SLF2: variants seen among roughly 807,000 people sequenced by gnomAD.
SLF2 encodes SMC5/6 complex localization factor 2, also known as SMC5-SMC6 complex localization factor protein 2.
SLF2 carries 68 observed loss-of-function variants against 124.3 expected under a neutral mutation model. The observed-to-expected ratio is 0.55, with a 90% CI of 0.45 to 0.67. SLF2 has a LOEUF of 0.67. Ranked by LOEUF, SLF2 falls within the 30% of genes least tolerant of loss-of-function variation. The pLI is 0.00. For synonymous variants in SLF2, 480 were observed against 478.8 expected (o/e 1.00, Z -0.03); for missense variants, 1,246 against 1,373.7 (o/e 0.91, Z 1.47).
rs777303575 is a variant in SLF2, at chr10:100,963,760, TGGG to T, written c.*1853_*1855del. On this transcript the variant is annotated 3_prime_UTR_variant, in exon 20 of 20. Transcript: ENST00000238961. ...AATATTTTCTAATTGTGTACATTGA[TGGG>T]GGGGACAAGTGGGTTATTCAGGTTT... 6 of 152,608 alleles carry T rather than the reference TGGG, an allele frequency of 3.9e-5. No individual in the cohort carries two copies. The highest frequency in any genetic ancestry group is 1.9e-4 in the East Asian group (1 of 5,182). 9.5% of individuals were successfully genotyped at this position (152,608 alleles called of 1,614,324 possible).
intron 8 of SLF2, among the ~76,000 whole-genome samples, chr10:100,930,756 A>G (rs938846739): frequency 1.3e-5 from 2 of 152,238 alleles, no homozygotes; most frequent in African/African-American, 4.8e-5. Context: ...TTTGTCTGCC[A>G]GTTAAATGTG....
chr10:100,917,249 A>G lies in SLF2; in HGVS notation c.864A>G (p.Glu288=). 1.2e-6 allele frequency: 2 copies of G among 1,613,886 alleles called. No homozygotes were observed. The highest frequency in any genetic ancestry group is 1.7e-6 in the Non-Finnish European group (2 of 1,179,958). The part of the protein sequence containing the change: ...SIERKYKPRQ[E]QRKQNDIIPG... Reference sequence around the variant, plus strand: ...AAAGAAAATATAAACCAAGGCAGGAACAAAGGAAACAGAATGACATCATAC... The same window carrying G: ...AAAGAAAATATAAACCAAGGCAGGAGCAAAGGAAACAGAATGACATCATAC... Residue 288 remains glutamate (E), a synonymous_variant, in exon 3 of 20, where the codon GAA becomes GAG. Coordinates refer to ENST00000238961, the MANE Select transcript of SLF2 (RefSeq NM_018121.4).
intron 1 of SLF2, among the ~76,000 whole-genome samples, chr10:100,914,891 C>G (rs2133745149): frequency 6.6e-6 from 1 of 152,258 alleles, no homozygotes; most frequent in East Asian, 1.9e-4. Context: ...ACTGAGCATT[C>G]CAACCTCATA....
chr10:100,948,878 T>A (rs571011998), intron 15 of SLF2, among the ~76,000 whole-genome samples: 20 of 152,254 alleles, frequency 1.3e-4, no homozygotes, highest in Non-Finnish European at 2.5e-4. Context: ...AGAGCGAGAC[T>A]CTGTCTCAAA....
intron 17 of SLF2, among the ~76,000 whole-genome samples, chr10:100,954,887 A>G (rs181665924): frequency 3.3e-5 from 5 of 152,014 alleles, no homozygotes; most frequent in Admixed American, 6.5e-5. Context: ...TCAAAGGTGC[A>G]GTGAGCTATG....
At position 100,962,650 on chromosome 10, in the gene SLF2, AT is replaced by A. The variant is rs778750677; in HGVS notation, c.*739del. On this transcript the variant is annotated 3_prime_UTR_variant, in exon 20 of 20. Transcript: ENST00000238961. ...GCTGTTTGTTCTGGATTTCTTTTAA[AT>A]GCATGTATTTTAAATACTGGTTAAA... 1.3e-5 allele frequency: 2 copies of A among 152,630 alleles called. No individual in the cohort carries two copies. Among genetic ancestry groups the A allele is most frequent in the Admixed American group, 6.5e-5 (1 of 15,286 alleles). The allele number at this position is 152,630 out of a possible 1,614,324, so 9.5% of individuals were successfully genotyped here.
chr10:100,924,638 G>C lies in SLF2; in HGVS notation c.1637G>C (p.Arg546Pro), dbSNP rs771148586. The C allele has an allele frequency of 2.5e-6, 4 of 1,614,004 alleles. No homozygotes were observed. In the South Asian group the frequency reaches 4.4e-5, roughly 18 times the overall value. Residue 546 changes from arginine (R) to proline (P), a missense_variant, in exon 5 of 20, where the codon CGC becomes CCC. Arg to Pro is a moderately radical substitution (Grantham distance 103). Transcript: ENST00000238961. The part of the protein sequence containing the change: ...SSGKISGGPL[R>P]SEYGTPTKSP... ...GGGAAAATTTCTGGGGGACCTTTGCGCTCAGAATATGGCACTCCTACAAAG... is the reference window on the plus strand; with the variant it reads ...GGGAAAATTTCTGGGGGACCTTTGCCCTCAGAATATGGCACTCCTACAAAG...
At chr10:100,934,978 A>G (rs1849815581) in intron 9 of SLF2, among the ~76,000 whole-genome samples, 1 of 152,190 alleles carries the variant, frequency 6.6e-6, no homozygotes, top group African/African-American at 2.4e-5. Flanking sequence ...AGCAAATGAA[A>G]AAGATAATAA....
intron 11 of SLF2, among the ~76,000 whole-genome samples, chr10:100,941,661 G>A (rs540968018): frequency 2.0e-5 from 3 of 152,156 alleles, no homozygotes; most frequent in East Asian, 1.9e-4. Context: ...TTTTGTTGTC[G>A]GCTTTCTAAT....
At position 100,916,588 on chromosome 10, in the gene SLF2, C is replaced by A; in HGVS notation, c.203C>A (p.Ser68Ter). The A allele has an allele frequency of 7.2e-7, 1 of 1,390,432 alleles. No homozygotes were observed. The highest frequency in any genetic ancestry group is 2.2e-5 in the South Asian group (1 of 46,486). 86.1% of individuals were successfully genotyped at this position (1,390,432 alleles called of 1,614,324 possible). Residue 68 changes from serine to a stop codon, truncating the protein, a stop_gained, in exon 3 of 20, where the codon TCA becomes TAA. Coordinates refer to ENST00000238961, the MANE Select transcript of SLF2 (RefSeq NM_018121.4). LOFTEE classifies it high-confidence loss of function. ...TATTTAGACAGACACATGTTGGATTCACCACAAAAATCAAACATCAAATAT... is the reference window on the plus strand; with the variant it reads ...TATTTAGACAGACACATGTTGGATTAACCACAAAAATCAAACATCAAATAT... ...ASKQDRHMLD[S>*]PQKSNIKYGG...
intron 19 of SLF2, among the ~76,000 whole-genome samples, chr10:100,960,146 G>A (rs1178506326): frequency 2.0e-5 from 3 of 152,120 alleles, no homozygotes; most frequent in South Asian, 2.1e-4. Context: ...ATTTTCCACT[G>A]TATGGATATG....
intron 16 of SLF2, 33 bp from the exon 17 acceptor site, chr10:100,950,643 C>G (rs538057450): frequency 6.5e-7 from 1 of 1,545,508 alleles, no homozygotes; most frequent in East Asian, 2.2e-5. Flanking sequence ...CTAGCTAATT[C>G]ATAGGTGTTA....
intron 17 of SLF2, among the ~76,000 whole-genome samples, chr10:100,956,131 C>T (rs113400523): frequency 6.6e-6 from 1 of 151,032 alleles, no homozygotes. Flanking sequence ...ATTTTGTTAG[C>T]GAGTATGTTA....
At position 100,913,241 on chromosome 10, in the gene SLF2, C is replaced by T. The variant is rs1849352377; in HGVS notation, c.131C>T (p.Pro44Leu). The change falls in exon 1 of 20, where the codon CCT (proline) becomes CTT (leucine). Residue 44 changes from proline (P) to leucine (L), a missense_variant. By Grantham distance (98) the Pro-to-Leu change is moderately conservative. Transcript: ENST00000238961. Reference sequence around the variant, plus strand: ...GCAGCGGGAAAGAGAACAGAGAGTCCTGGGGACAGGTACCGTGCAGAGGGC... The same window carrying T: ...GCAGCGGGAAAGAGAACAGAGAGTCTTGGGGACAGGTACCGTGCAGAGGGC... Reference protein sequence around the residue: ...HAAAGKRTESPGDRKQSIIDF... With the variant: ...HAAAGKRTESLGDRKQSIIDF... 1 of 1,607,772 alleles carries T rather than the reference C, an allele frequency of 6.2e-7. No individual in the cohort carries two copies. The highest frequency in any genetic ancestry group is 1.1e-5 in the South Asian group (1 of 89,936).
rs947285027 is a variant in SLF2, at chr10:100,964,331, T to C, written c.*2419T>C. 6.5e-6 allele frequency: 1 copy of C among 152,692 alleles called. No homozygotes were observed. The highest frequency in any genetic ancestry group is 2.4e-5 in the African/African-American group (1 of 41,460). The allele number at this position is 152,692 out of a possible 1,614,324, so 9.5% of individuals were successfully genotyped here. ...TTTATGGATATGTATGGCAAACTTA[T>C]TACCCTTCTTGCAAGCTGCACATTA... On this transcript the variant is annotated 3_prime_UTR_variant, in exon 20 of 20. Coordinates refer to ENST00000238961, the MANE Select transcript of SLF2 (RefSeq NM_018121.4).
intron 18 of SLF2, among the ~76,000 whole-genome samples, chr10:100,959,146 A>G (rs1029431933): frequency 6.6e-6 from 1 of 152,238 alleles, no homozygotes; most frequent in African/African-American, 2.4e-5. Flanking sequence ...GTTCCTTTGA[A>G]GGCAGAGAAT....
chr10:100,924,537 T>C lies in SLF2; in HGVS notation c.1536T>C (p.Ser512=), dbSNP rs777013036. ...AGCGTTCCTCATCTAAAGAATGTTC[T>C]GGGCATTCTACAGAATCCACCAAAC... is the stretch of plus-strand genomic sequence containing the variant. ...DKERSSSKEC[S]GHSTESTKHK... Residue 512 remains serine (S), a synonymous_variant, in exon 5 of 20, where the codon TCT becomes TCC. Coordinates refer to ENST00000238961, the MANE Select transcript of SLF2 (RefSeq NM_018121.4). 6.2e-7 allele frequency: 1 copy of C among 1,614,136 alleles called. No homozygotes were observed. Among genetic ancestry groups the C allele is most frequent in the East Asian group, 2.2e-5 (1 of 44,890 alleles).
chr10:100,915,932 A>G (rs1229943160), intron 1 of SLF2, 67 bp from the exon 2 acceptor site: 8 of 1,233,484 alleles, frequency 6.5e-6, no homozygotes, highest in South Asian at 1.3e-5. Flanking sequence ...ATCTTTCTCC[A>G]TTTAATCTGA....
intron 11 of SLF2, among the ~76,000 whole-genome samples, chr10:100,940,600 G>A (rs943610969): frequency 1.3e-4 from 20 of 151,246 alleles, no homozygotes; most frequent in Non-Finnish European, 2.4e-4. Flanking sequence ...GAGCTCAGGC[G>A]ATCCGCCGGC....
Sources: gnomAD v4.1 joint callset for allele counts (sites outside exome capture counted in the v4.1 genomes callset) on GRCh38, gnomAD v4.1.1 for gene constraint, MANE v1.5 for transcripts, NCBI Gene and HGNC (gene_info 2026-07-23, HGNC 2026-07-21) for gene names.